The following SORCS1 variants were observed in gnomAD, a reference collection of about 807,000 sequenced individuals.
SORCS1 encodes the protein VPS10 domain-containing receptor SorCS1.
A neutral mutation model predicts 146.1 loss-of-function variants in SORCS1; 60 were observed. The ratio of observed to expected loss-of-function variants is 0.41; its 90% CI spans 0.33 to 0.51. The LOEUF (loss-of-function observed/expected upper bound fraction) is 0.51, where lower values mean the gene tolerates loss of function less well. SORCS1 is among the 20% of genes least tolerant of loss of function. SORCS1 has a pLI of 0.21. For missense variants in SORCS1, 1,352 were observed against 1,487.6 expected, an observed-to-expected ratio of 0.91 and a Z score of 1.50; for synonymous variants, 637 against 584.0, an observed-to-expected ratio of 1.09 and a Z score of -1.31.
chr10:106,627,022 G>A (rs532677667), intron 19 of SORCS1, among the ~76,000 whole-genome samples: 2 of 152,258 alleles, frequency 1.3e-5, no homozygotes, highest in East Asian at 1.9e-4. Flanking sequence ...TGAAATGAAA[G>A]AATTGCAAAT....
At chr10:106,717,408 T>C (rs1855455293) in intron 6 of SORCS1, among the ~76,000 whole-genome samples, 2 of 152,226 alleles carry the variant, frequency 1.3e-5, no homozygotes, top group African/African-American at 4.8e-5. Context: ...GATTCTAGTC[T>C]TGGTTCCAGA....
intron 5 of SORCS1, among the ~76,000 whole-genome samples, chr10:106,753,018 T>C (rs113579158): frequency 4.7e-4 from 71 of 152,258 alleles, no homozygotes; most frequent in African/African-American, 1.7e-3. Context: ...TTGAAGTTTT[T>C]TGCAGACAGT....
At chr10:107,020,569 C>T (rs1306095278) in intron 1 of SORCS1, among the ~76,000 whole-genome samples, 5 of 152,150 alleles carry the variant, frequency 3.3e-5, no homozygotes, top group Non-Finnish European at 7.3e-5. Context: ...ATCAATATGC[C>T]TCAAAAGGTG....
chr10:107,145,609 T>C (rs1968258986), intron 1 of SORCS1, among the ~76,000 whole-genome samples: 1 of 152,230 alleles, frequency 6.6e-6, no homozygotes, highest in African/African-American at 2.4e-5. Context: ...TAAGCAGGTC[T>C]AAAAATAATA....
chr10:106,873,601 C>G (rs891026729), intron 2 of SORCS1, among the ~76,000 whole-genome samples: 5 of 151,868 alleles, frequency 3.3e-5, no homozygotes, highest in African/African-American at 9.7e-5. Flanking sequence ...ATTACCCCTG[C>G]CAAAGTCACC....
At chr10:106,714,360 C>T (rs758171466) in intron 6 of SORCS1, among the ~76,000 whole-genome samples, 2 of 151,734 alleles carry the variant, frequency 1.3e-5, no homozygotes, top group Non-Finnish European at 2.9e-5. Context: ...TAAAATCTTG[C>T]TTTTATGAGG....
At chr10:106,803,522 C>T (rs1947014390) in intron 3 of SORCS1, among the ~76,000 whole-genome samples, 1 of 152,202 alleles carries the variant, frequency 6.6e-6, no homozygotes, top group Non-Finnish European at 1.5e-5. Flanking sequence ...CTCTTGATAG[C>T]ATGGCTGAAG....
chr10:106,675,171 A>G lies in SORCS1; in HGVS notation c.1833-15T>C, dbSNP rs1215926890. The G allele has an allele frequency of 3.2e-6, 5 of 1,574,062 alleles. No individual in the cohort carries two copies. In the African/African-American group the frequency reaches 4.1e-5, roughly 13 times the overall value. ...CAAAACTCAACCTAATGATATAAAA[A>G]ATATCAGTCATCAGATCTCCAAAGG... is the stretch of plus-strand genomic sequence containing the variant. On this transcript the variant is annotated splice_polypyrimidine_tract_variant and intron_variant, in intron 13 of 25. Transcript: ENST00000263054.
chr10:106,679,172 G>T, intron 12 of SORCS1, 84 bp downstream of exon 12: 1 of 1,017,138 alleles, frequency 9.8e-7, no homozygotes, highest in Non-Finnish European at 1.5e-6. Context: ...TAGCACCGCT[G>T]AAAAAAGTTC....
At chr10:107,093,143 T>G (rs912877674) in intron 1 of SORCS1, among the ~76,000 whole-genome samples, 6 of 152,190 alleles carry the variant, frequency 3.9e-5, no homozygotes, top group African/African-American at 9.6e-5. Context: ...GCCGCCTGAC[T>G]GCAGAGCCAT....
At chr10:107,134,172 T>C (rs1177581873) in intron 1 of SORCS1, among the ~76,000 whole-genome samples, 2 of 152,204 alleles carry the variant, frequency 1.3e-5, no homozygotes, top group African/African-American at 4.8e-5. Flanking sequence ...CAGGGGGAGT[T>C]AGAAACTGAT....
At chr10:106,883,496 G>A (rs1333301635) in intron 2 of SORCS1, among the ~76,000 whole-genome samples, 1 of 150,530 alleles carries the variant, frequency 6.6e-6, no homozygotes, top group Non-Finnish European at 1.5e-5. Flanking sequence ...CTCACTGCAA[G>A]CTCCGCCTCC....
intron 3 of SORCS1, among the ~76,000 whole-genome samples, chr10:106,788,530 C>A: frequency 6.6e-6 from 1 of 152,152 alleles, no homozygotes; most frequent in African/African-American, 2.4e-5. Context: ...GAGAAATTGG[C>A]CAAAACAAAG....
intron 3 of SORCS1, among the ~76,000 whole-genome samples, chr10:106,814,354 G>T (rs1947626087): frequency 6.6e-6 from 1 of 152,168 alleles, no homozygotes; most frequent in Non-Finnish European, 1.5e-5. Context: ...TCAGCCTGAA[G>T]AACACTAGTA....
chr10:107,048,981 G>A (rs1959809302), intron 1 of SORCS1, among the ~76,000 whole-genome samples: 1 of 151,978 alleles, frequency 6.6e-6, no homozygotes, highest in African/African-American at 2.4e-5. Context: ...AATTATTGCG[G>A]CACTACTCAC....
At chr10:106,662,635 G>A (rs1850819128) in intron 17 of SORCS1, among the ~76,000 whole-genome samples, 2 of 152,142 alleles carry the variant, frequency 1.3e-5, no homozygotes, top group African/African-American at 4.8e-5. Context: ...TGGACACAGG[G>A]TTCCCAGTGG....
chr10:107,126,548 A>G (rs905392891), intron 1 of SORCS1, among the ~76,000 whole-genome samples: 1 of 152,162 alleles, frequency 6.6e-6, no homozygotes, highest in African/African-American at 2.4e-5. Context: ...TCTGTATTCC[A>G]TTAGCTTAAT....
chr10:106,783,586 G>T (rs1861058119), intron 3 of SORCS1, among the ~76,000 whole-genome samples: 1 of 152,148 alleles, frequency 6.6e-6, no homozygotes, highest in Admixed American at 6.5e-5. Context: ...GAGACAGCAA[G>T]AAGAAATGGG....
At chr10:107,011,112 G>A (rs1454194583) in intron 1 of SORCS1, among the ~76,000 whole-genome samples, 4 of 152,200 alleles carry the variant, frequency 2.6e-5, no homozygotes, top group Admixed American at 1.3e-4. Context: ...TAATCACCAA[G>A]TAATGCTGAC....
Sources: gnomAD v4.1 joint callset for allele counts (sites outside exome capture counted in the v4.1 genomes callset) on GRCh38, gnomAD v4.1.1 for gene constraint, MANE v1.5 for transcripts, NCBI Gene and HGNC (gene_info 2026-07-23, HGNC 2026-07-21) for gene names.